OSMR: variants seen among roughly 807,000 people sequenced by gnomAD.
The protein encoded by OSMR is oncostatin-M-specific receptor subunit beta.
OSMR carries 81 observed loss-of-function variants against 99.9 expected under a neutral mutation model. That is an observed-to-expected ratio of 0.81 (90% CI 0.68 to 0.97). The LOEUF is 0.97. Ranked by LOEUF, OSMR falls within the 50% of genes least tolerant of loss-of-function variation. OSMR has a pLI of 0.00. For missense variants in OSMR, 1,099 were observed against 1,153.4 expected, an observed-to-expected ratio of 0.95 and a Z score of 0.68; for synonymous variants, 406 against 410.4, an observed-to-expected ratio of 0.99 and a Z score of 0.13.
At chr5:38,866,516 C>T (rs954241524) in intron 1 of OSMR, among the ~76,000 whole-genome samples, 2 of 152,118 alleles carry the variant, frequency 1.3e-5, no homozygotes, top group South Asian at 2.1e-4. Context: ...GTTGTTCCCC[C>T]GGGTATAGAC....
At chr5:38,903,858 G>A in intron 7 of OSMR, 24 bp from the exon 8 acceptor site, 2 of 1,599,600 alleles carry the variant, frequency 1.3e-6, no homozygotes, top group Non-Finnish European at 1.7e-6. Flanking sequence ...GAATTTTTTT[G>A]TTTCTTTTTC....
chr5:38,863,349 C>A (rs1202268851), intron 1 of OSMR, among the ~76,000 whole-genome samples: 3 of 151,862 alleles, frequency 2.0e-5, no homozygotes, highest in Non-Finnish European at 4.4e-5. Context: ...GACCATGCTG[C>A]CAACATGGTA....
At chr5:38,866,451 G>A (rs961874534) in intron 1 of OSMR, among the ~76,000 whole-genome samples, 1 of 152,178 alleles carries the variant, frequency 6.6e-6, no homozygotes, top group Admixed American at 6.5e-5. Flanking sequence ...GCTTTTGGGA[G>A]CACATGCTTT....
At chr5:38,904,892 A>C (rs544713371) in intron 9 of OSMR, among the ~76,000 whole-genome samples, 1 of 152,334 alleles carries the variant, frequency 6.6e-6, no homozygotes, top group African/African-American at 2.4e-5. Context: ...ATGTTTGGAA[A>C]TGTAATGACA....
intron 7 of OSMR, among the ~76,000 whole-genome samples, chr5:38,898,907 C>T (rs1468225164): frequency 6.8e-5 from 10 of 147,256 alleles, no homozygotes; most frequent in African/African-American, 2.3e-4. Flanking sequence ...TTAACTTTGT[C>T]TCTCTACTTT....
intron 3 of OSMR, among the ~76,000 whole-genome samples, chr5:38,880,325 T>C (rs1743180809): frequency 6.6e-6 from 1 of 152,190 alleles, no homozygotes; most frequent in Admixed American, 6.5e-5. Flanking sequence ...CGAACTCAGG[T>C]TCCCCCAGTA....
chr5:38,869,733 T>G (rs1188013049), intron 2 of OSMR, among the ~76,000 whole-genome samples: 1 of 152,224 alleles, frequency 6.6e-6, no homozygotes, highest in Non-Finnish European at 1.5e-5. Flanking sequence ...AATAAGAATT[T>G]AATACCTCTA....
intron 4 of OSMR, among the ~76,000 whole-genome samples, chr5:38,883,012 A>G (rs1333688639): frequency 6.6e-6 from 1 of 152,168 alleles, no homozygotes; most frequent in Admixed American, 6.5e-5. Flanking sequence ...GAAAGAAAAG[A>G]TATTAAAAAG....
intron 7 of OSMR, among the ~76,000 whole-genome samples, chr5:38,902,440 A>G (rs374064492): frequency 6.6e-6 from 1 of 152,206 alleles, no homozygotes; most frequent in African/African-American, 2.4e-5. Flanking sequence ...TTGGGTCACT[A>G]TGTTTGTCCG....
intron 3 of OSMR, among the ~76,000 whole-genome samples, chr5:38,878,461 A>T (rs1743008007): frequency 6.6e-6 from 1 of 152,138 alleles, no homozygotes; most frequent in Admixed American, 6.5e-5. Context: ...CCTGGATGGT[A>T]CTGGCCATTT....
chr5:38,877,373 C>T (rs1023201438), intron 3 of OSMR, among the ~76,000 whole-genome samples: 3 of 152,136 alleles, frequency 2.0e-5, no homozygotes, highest in Admixed American at 6.5e-5. Flanking sequence ...TTGAGATCTG[C>T]GCAAGTTAAA....
At chr5:38,872,932 C>G (rs572084026) in intron 2 of OSMR, among the ~76,000 whole-genome samples, 49 of 152,304 alleles carry the variant, frequency 3.2e-4, no homozygotes, top group Admixed American at 3.0e-3. Flanking sequence ...GTTATGCCAG[C>G]ATTTTTATCA....
intron 11 of OSMR, 127 bp downstream of exon 11, chr5:38,919,189 C>T: frequency 6.5e-7 from 1 of 1,543,166 alleles, no homozygotes; most frequent in Non-Finnish European, 8.7e-7. Flanking sequence ...ACTAAACAGT[C>T]ATTTTCTTTT....
At chr5:38,881,234 T>C (rs1743260403) in intron 3 of OSMR, among the ~76,000 whole-genome samples, 1 of 152,194 alleles carries the variant, frequency 6.6e-6, no homozygotes, top group Non-Finnish European at 1.5e-5. Context: ...AATTCTCTAC[T>C]TTTCAAGAAC....
intron 7 of OSMR, among the ~76,000 whole-genome samples, chr5:38,901,455 T>A (rs1744885936): frequency 6.6e-6 from 1 of 152,134 alleles, no homozygotes; most frequent in South Asian, 2.1e-4. Context: ...GCCTGTCTAA[T>A]TTGATTGGTG....
chr5:38,927,963 G>T (rs1331785609), intron 15 of OSMR, among the ~76,000 whole-genome samples: 1 of 152,054 alleles, frequency 6.6e-6, no homozygotes, highest in East Asian at 1.9e-4. Flanking sequence ...CTAGGGCAGG[G>T]GCAAAATGCC....
intron 7 of OSMR, among the ~76,000 whole-genome samples, chr5:38,894,131 G>A (rs1167101631): frequency 2.0e-5 from 3 of 152,144 alleles, no homozygotes; most frequent in Non-Finnish European, 4.4e-5. Flanking sequence ...CAATTGCTAA[G>A]GGAATTTGTT....
chr5:38,862,427 C>T (rs1335677203), intron 1 of OSMR, among the ~76,000 whole-genome samples: 1 of 149,390 alleles, frequency 6.7e-6, no homozygotes, highest in African/African-American at 2.5e-5. Context: ...GGCTGACCCC[C>T]CCACCTCCCT....
chr5:38,933,494 G>A lies in OSMR; in HGVS notation c.*50G>A, dbSNP rs1382142430. ...TGCTACACAGACATTAAGAAGAGCA[G>A]AGCTGGCACCCTGTCATCACCAGTG... is the stretch of plus-strand genomic sequence containing the variant. On this transcript the variant is annotated 3_prime_UTR_variant, in exon 18 of 18. Coordinates refer to ENST00000274276, the MANE Select transcript of OSMR (RefSeq NM_003999.3). The A allele has an allele frequency of 6.2e-7, 1 of 1,607,086 alleles. No individual in the cohort carries two copies. The highest frequency in any genetic ancestry group is 8.5e-7 in the Non-Finnish European group (1 of 1,175,300).
Sources: gnomAD v4.1 joint callset for allele counts (sites outside exome capture counted in the v4.1 genomes callset) on GRCh38, gnomAD v4.1.1 for gene constraint, MANE v1.5 for transcripts, NCBI Gene and HGNC (gene_info 2026-07-23, HGNC 2026-07-21) for gene names.